The following ASCC2 variants were observed in gnomAD, a reference collection of about 807,000 sequenced individuals.
ASCC2 encodes ASC-1 complex subunit P100.
In ASCC2, 42 loss-of-function variants were observed where a neutral mutation model predicts 93.5. The ratio of observed to expected loss-of-function variants is 0.45; its 90% CI spans 0.35 to 0.58. ASCC2 has a LOEUF of 0.58. ASCC2 is among the 20% of genes least tolerant of loss of function. The pLI is 0.00. For synonymous variants in ASCC2, 364 were observed against 384.2 expected (o/e 0.95, Z 0.62); for missense variants, 859 against 977.6 (o/e 0.88, Z 1.62).
chr22:29,806,398 G>A, intron 11 of ASCC2, 87 bp downstream of exon 11: 1 of 1,566,944 alleles, frequency 6.4e-7, no homozygotes, highest in South Asian at 1.1e-5. Context: ...TAGAGCTGTG[G>A]TGGGCCTATA....
At position 29,792,742 on chromosome 22, in the gene ASCC2, G is replaced by A. The variant is rs547212926; in HGVS notation, c.1920-207C>T. Among the ~76,000 whole-genome samples, 170 of 152,312 alleles carry A rather than the reference G, an allele frequency of 1.1e-3. 1 individual carries two copies. The highest frequency in any genetic ancestry group is 4.0e-3 in the African/African-American group (165 of 41,560). ...TTGAGGTGGGGTTGAGGGGGAGACT[G>A]AAATGGGGCCGGGAGAGTCTCCAGT... On this transcript the variant is annotated intron_variant, in intron 17 of 19. Transcript: ENST00000307790.
rs188031935 is a variant in ASCC2, at chr22:29,806,691, A to C, written c.1016+106T>G. 1.8e-5 allele frequency: 25 copies of C among 1,419,644 alleles called. No individual in the cohort carries two copies. The South Asian group carries it at 2.6e-4, about 15-fold the overall frequency. 87.9% of individuals were successfully genotyped at this position (1,419,644 alleles called of 1,614,324 possible). ...TTTTCTTGGTTTCTCATCTCTGTTC[A>C]GCCAACCCCAGTGCAGTGGAGGAAG... On this transcript the variant is annotated intron_variant, in intron 10 of 19. Coordinates refer to ENST00000307790, the MANE Select transcript of ASCC2 (RefSeq NM_032204.5).
intron 1 of ASCC2, among the ~76,000 whole-genome samples, chr22:29,837,227 G>A (rs975635942): frequency 1.1e-4 from 16 of 150,916 alleles, no homozygotes; most frequent in Non-Finnish European, 2.2e-4. Flanking sequence ...CCAGGAGATC[G>A]AGACCATCCT....
Position 29,823,154 on chromosome 22 carries a change from T to G in ASCC2, c.412-690A>C, listed in dbSNP as rs1007085356. On this transcript the variant is annotated intron_variant, in intron 4 of 19. Coordinates refer to ENST00000307790, the MANE Select transcript of ASCC2 (RefSeq NM_032204.5). ...CCCAGGTTCAAGCAATTCTCCTGCC[T>G]CAGCCTCCCAAGTAGCTGGGATTAC... 2.0e-5 allele frequency among the ~76,000 whole-genome samples: 3 copies of G among 152,300 alleles called. No homozygotes were observed. In the South Asian group the frequency reaches 6.2e-4, roughly 32 times the overall value.
chr22:29,793,709 A>C, intron 15 of ASCC2, 33 bp from the exon 16 acceptor site: 2 of 1,541,028 alleles, frequency 1.3e-6, no homozygotes, highest in Non-Finnish European at 1.7e-6. Context: ...GAGGAAGGAA[A>C]ACCATCAGGC....
At position 29,823,847 on chromosome 22, in the gene ASCC2, C is replaced by CA. The variant is rs773869469; in HGVS notation, c.411+1239dup. 7.6e-3 allele frequency among the ~76,000 whole-genome samples: 618 copies of CA among 80,972 alleles called. 4 individuals carry two copies. The highest frequency in any genetic ancestry group is 0.024 in the African/African-American group (509 of 21,504). The allele number at this position is 80,972 out of a possible 152,430, so 53.1% of individuals were successfully genotyped here. A position where few individuals can be genotyped will look rare whatever the true frequency, so the allele number is the denominator to read the frequency against. ...GGGCAACAAGAGTGAAACTCCATCT[C>CA]AAAAAAAAAAAAAAAGAAAAGAAAA... On this transcript the variant is annotated intron_variant, in intron 4 of 19. Transcript: ENST00000307790.
Position 29,825,536 on chromosome 22 carries a change from C to T in ASCC2, c.240+86G>A. ...GTGAAAGAAGTAGACAAAAAAGCACCTCCTAGGGGAAGAAAAACAACAACA... is the reference window on the plus strand; with the variant it reads ...GTGAAAGAAGTAGACAAAAAAGCACTTCCTAGGGGAAGAAAAACAACAACA... On this transcript the variant is annotated intron_variant, in intron 3 of 19. Transcript: ENST00000307790. This position sits in a 1 kb window ranked among gnomAD's most constrained non-coding sequence, Gnocchi z 4.9. 3.8e-6 allele frequency: 6 copies of T among 1,583,490 alleles called. No homozygotes were observed. Among genetic ancestry groups the T allele is most frequent in the Non-Finnish European group, 5.2e-6 (6 of 1,153,716 alleles).
chr22:29,804,411 T>C (rs973155377), intron 13 of ASCC2, among the ~76,000 whole-genome samples: 1 of 152,196 alleles, frequency 6.6e-6, no homozygotes, highest in Non-Finnish European at 1.5e-5. Flanking sequence ...AAGGCTTCGA[T>C]AGTTGAAGCA....
At chr22:29,837,128 G>A (rs1297984971) in intron 1 of ASCC2, among the ~76,000 whole-genome samples, 1 of 152,142 alleles carries the variant, frequency 6.6e-6, no homozygotes, top group African/African-American at 2.4e-5. Flanking sequence ...TCTAAAGCAC[G>A]GGTACAAATT....
chr22:29,797,594 A>G (rs2058589799), intron 15 of ASCC2, among the ~76,000 whole-genome samples: 1 of 152,122 alleles, frequency 6.6e-6, no homozygotes, highest in African/African-American at 2.4e-5. Context: ...CTTGGCACCC[A>G]CTTCCCAGGG....
At chr22:29,837,765 G>C (rs2064025398) in intron 1 of ASCC2, among the ~76,000 whole-genome samples, 2 of 152,180 alleles carry the variant, frequency 1.3e-5, no homozygotes, top group African/African-American at 4.8e-5. Context: ...TTGTGCATTT[G>C]CTTGTCGTTG....
At chr22:29,790,697 G>A in intron 18 of ASCC2, 149 bp from the exon 19 acceptor site, 1 of 791,374 alleles carries the variant, frequency 1.3e-6, no homozygotes, top group Non-Finnish European at 2.1e-6. Context: ...GCCCAGGAAT[G>A]GAGTGGGATT....
chr22:29,825,607 T>C lies in ASCC2; in HGVS notation c.240+15A>G. The C allele has an allele frequency of 6.2e-7, 1 of 1,614,154 alleles. No individual in the cohort carries two copies. The highest frequency in any genetic ancestry group is 8.5e-7 in the Non-Finnish European group (1 of 1,180,012). Reference sequence around the variant, plus strand: ...CATGTGCTTTGTCTTAGCGTTAATTTTGATAGAATGTTACCTGGCACCAGA... The same window carrying C: ...CATGTGCTTTGTCTTAGCGTTAATTCTGATAGAATGTTACCTGGCACCAGA... On this transcript the variant is annotated intron_variant, in intron 3 of 19. Transcript: ENST00000307790. This position sits in a 1 kb window ranked among gnomAD's most constrained non-coding sequence, Gnocchi z 4.9.
Position 29,829,068 on chromosome 22 carries a change from C to T in ASCC2, c.81+3177G>A, listed in dbSNP as rs927003781. On this transcript the variant is annotated intron_variant, in intron 2 of 19. Coordinates refer to ENST00000307790, the MANE Select transcript of ASCC2 (RefSeq NM_032204.5). ...GCACGCACCTATAGTCCCAGCTACT[C>T]GGGAGGCTGAGGCAGGAGAATCACT... Among the ~76,000 whole-genome samples, 11 of 152,010 alleles carry T rather than the reference C, an allele frequency of 7.2e-5. No homozygotes were observed. In the East Asian group the frequency reaches 1.6e-3, roughly 21 times the overall value.
intron 8 of ASCC2, among the ~76,000 whole-genome samples, chr22:29,811,332 C>A (rs1021104695): frequency 2.0e-5 from 3 of 152,106 alleles, no homozygotes; most frequent in African/African-American, 7.2e-5. Context: ...CTAATGATGG[C>A]TGTATGTGAA....
At chr22:29,791,246 G>A (rs1004114745) in intron 18 of ASCC2, among the ~76,000 whole-genome samples, 14 of 152,106 alleles carry the variant, frequency 9.2e-5, no homozygotes, top group African/African-American at 3.4e-4. Context: ...GCGTGGTGGT[G>A]TGAGCCCATA....
chr22:29,825,812 C>A lies in ASCC2; in HGVS notation c.82-32G>T. On this transcript the variant is annotated intron_variant, in intron 2 of 19. Coordinates refer to ENST00000307790, the MANE Select transcript of ASCC2 (RefSeq NM_032204.5). The surrounding 1 kb of genome is among the most constrained non-coding windows in gnomAD (Gnocchi z 4.9). ...ATCCAAAAACCACGTGTTAACGTGG[C>A]AGAGGTTAGTCAGCGAGGGCCCATT... 6.3e-7 allele frequency: 1 copy of A among 1,583,508 alleles called. No homozygotes were observed. Among genetic ancestry groups the A allele is most frequent in the South Asian group, 1.1e-5 (1 of 87,074 alleles).
intron 5 of ASCC2, among the ~76,000 whole-genome samples, chr22:29,818,624 G>C (rs1425241039): frequency 1.3e-5 from 2 of 152,074 alleles, no homozygotes; most frequent in Non-Finnish European, 1.5e-5. Context: ...GAATCTATGA[G>C]GGAGGACATT....
chr22:29,804,659 C>T lies in ASCC2; in HGVS notation c.1332G>A (p.Pro444=), dbSNP rs772322638. The change falls in exon 13 of 20, where the codon CCG becomes CCA. Residue 444 remains proline (P), a synonymous_variant. Coordinates refer to ENST00000307790, the MANE Select transcript of ASCC2 (RefSeq NM_032204.5). ...AEAVSQASSH[P]ENSEEEECMG... ...ATACCTCCTCTTCCTCCGAGTTCTC[C>T]GGATGTGATGATGCTTGACTGACTG... The T allele has an allele frequency of 2.5e-6, 4 of 1,613,920 alleles. No homozygotes were observed. Among genetic ancestry groups the T allele is most frequent in the East Asian group, 4.5e-5 (2 of 44,876 alleles).
Sources: allele counts gnomAD v4.1 joint callset (sites outside exome capture counted in the v4.1 genomes callset), GRCh38; gene constraint gnomAD v4.1.1; non-coding constraint Gnocchi (gnomAD v3.1); transcripts MANE v1.5; gene names NCBI Gene and HGNC (gene_info 2026-07-23, HGNC 2026-07-21).